Variants in SH3GL3 observed in about 807,000 individuals in gnomAD.
The protein encoded by SH3GL3 is SH3 domain containing GRB2 like 3, endophilin A3.
A neutral mutation model predicts 47.7 loss-of-function variants in SH3GL3; 33 were observed. That is an observed-to-expected ratio of 0.69 (90% CI 0.52 to 0.92). The LOEUF (loss-of-function observed/expected upper bound fraction) is 0.92, where lower values mean the gene tolerates loss of function less well. SH3GL3 is among the 40% of genes least tolerant of loss of function. The pLI, the probability that SH3GL3 is intolerant of heterozygous loss-of-function variation, is 0.00. For missense variants in SH3GL3, 363 were observed against 417.8 expected (o/e 0.87, Z 1.14); for synonymous variants, 155 against 148.8 (o/e 1.04, Z -0.30).
In SH3GL3 at chr15:83,618,366, GA is replaced by G; in HGVS notation, c.*80del. ...GTGTGCTCTCAGTGCGGTGTTCTGT[GA>G]CATCCTTTGCTCTCTGACCAACTTA... On this transcript the variant is annotated 3_prime_UTR_variant, in exon 9 of 9. Coordinates refer to ENST00000427482, the MANE Select transcript of SH3GL3 (RefSeq NM_003027.5). 3.4e-6 allele frequency: 3 copies of G among 882,180 alleles called. No individual in the cohort carries two copies. The highest frequency in any genetic ancestry group is 5.7e-6 in the Non-Finnish European group (3 of 522,980). 54.6% of individuals were successfully genotyped at this position (882,180 alleles called of 1,614,324 possible). A position where few individuals can be genotyped will look rare whatever the true frequency, so the allele number is the denominator to read the frequency against.
chr15:83,606,350 A>C (rs2060515209), intron 8 of SH3GL3, among the ~76,000 whole-genome samples: 2 of 152,208 alleles, frequency 1.3e-5, no homozygotes. Flanking sequence ...CATTGGCACA[A>C]AATGTCTAGG....
intron 8 of SH3GL3, among the ~76,000 whole-genome samples, chr15:83,593,451 T>C (rs943583784): frequency 6.6e-6 from 1 of 152,246 alleles, no homozygotes; most frequent in African/African-American, 2.4e-5. Flanking sequence ...TTTTATATCT[T>C]TATGCAATTG....
At chr15:83,580,308 G>A (rs1226173482) in intron 6 of SH3GL3, among the ~76,000 whole-genome samples, 1 of 152,228 alleles carries the variant, frequency 6.6e-6, no homozygotes, top group Non-Finnish European at 1.5e-5. Flanking sequence ...TAATCGCCAT[G>A]TCAAACACAG....
At chr15:83,475,555 T>C (rs866470778) in intron 1 of SH3GL3, among the ~76,000 whole-genome samples, 1 of 152,246 alleles carries the variant, frequency 6.6e-6, no homozygotes, top group Middle Eastern at 3.4e-3. Flanking sequence ...CCATCCTGGA[T>C]CTCTGCTATT....
intron 1 of SH3GL3, among the ~76,000 whole-genome samples, chr15:83,538,761 AATT>A (rs1185750260): frequency 6.6e-6 from 1 of 152,188 alleles, no homozygotes; most frequent in Non-Finnish European, 1.5e-5. Context: ...GCCACAATGT[AATT>A]ATTAATTAAT....
In SH3GL3 at chr15:83,576,591, G is replaced by A. The variant is rs1167473283; in HGVS notation, c.474G>A (p.Leu158=). ...CCATTCTCTTTTTTTAGCATCACCT[G>A]AAAAAGCTGGAAGGCCGCCGCCTGG... is the stretch of plus-strand genomic sequence containing the variant. ...DKDLKEIGHH[L]KKLEGRRLDY... Residue 158 remains leucine (L), a synonymous_variant, in exon 6 of 9, where the codon CTG becomes CTA. Coordinates refer to ENST00000427482, the MANE Select transcript of SH3GL3 (RefSeq NM_003027.5). 6.2e-7 allele frequency: 1 copy of A among 1,603,606 alleles called. No individual in the cohort carries two copies. Among genetic ancestry groups the A allele is most frequent in the Non-Finnish European group, 8.5e-7 (1 of 1,176,828 alleles).
At chr15:83,514,858 C>G (rs2042915031) in intron 1 of SH3GL3, among the ~76,000 whole-genome samples, 1 of 152,098 alleles carries the variant, frequency 6.6e-6, no homozygotes, top group African/African-American at 2.4e-5. Flanking sequence ...GGAAATTCCC[C>G]TCACCGCCAA....
At chr15:83,621,689 G>A (rs756796993), downstream of SH3GL3, among the ~76,000 whole-genome samples, 3 of 152,272 alleles carry the variant, frequency 2.0e-5, no homozygotes, top group East Asian at 1.9e-4. Flanking sequence ...GCAAACCTTC[G>A]AAGAGTTTAC....
At chr15:83,463,409 C>T (rs1401977410) in intron 1 of SH3GL3, among the ~76,000 whole-genome samples, 1 of 152,164 alleles carries the variant, frequency 6.6e-6, no homozygotes, top group Non-Finnish European at 1.5e-5. Context: ...TCAATAAAAG[C>T]TTCCTCTTAC....
chr15:83,464,215 G>T (rs1377800412), intron 1 of SH3GL3, among the ~76,000 whole-genome samples: 1 of 152,122 alleles, frequency 6.6e-6, no homozygotes, highest in African/African-American at 2.4e-5. Flanking sequence ...ATTTGACCCA[G>T]TGGACTATTC....
intron 1 of SH3GL3, among the ~76,000 whole-genome samples, chr15:83,530,168 G>C (rs2043603647): frequency 6.6e-6 from 1 of 152,196 alleles, no homozygotes; most frequent in Non-Finnish European, 1.5e-5. Flanking sequence ...ACTCAGAATG[G>C]TGCTGTTCTG....
intron 1 of SH3GL3, among the ~76,000 whole-genome samples, chr15:83,504,857 A>G: frequency 6.6e-6 from 1 of 152,228 alleles, no homozygotes; most frequent in East Asian, 1.9e-4. Context: ...TTTTTAGCAG[A>G]GTAATAGACA....
intron 6 of SH3GL3, among the ~76,000 whole-genome samples, chr15:83,578,541 C>G (rs1281225592): frequency 6.6e-6 from 1 of 152,136 alleles, no homozygotes; most frequent in Non-Finnish European, 1.5e-5. Flanking sequence ...CCAATACTAA[C>G]AAGACATTCA....
At chr15:83,603,921 G>A (rs1185579398) in intron 8 of SH3GL3, among the ~76,000 whole-genome samples, 2 of 152,186 alleles carry the variant, frequency 1.3e-5, no homozygotes, top group Non-Finnish European at 2.9e-5. Context: ...GATCACCTGA[G>A]TTCAGGAGTT....
At chr15:83,459,163 G>A (rs775706634) in intron 1 of SH3GL3, among the ~76,000 whole-genome samples, 2 of 152,184 alleles carry the variant, frequency 1.3e-5, no homozygotes, top group South Asian at 2.1e-4. Flanking sequence ...CAGGAGACTC[G>A]GCCAGTCTAG....
intron 1 of SH3GL3, among the ~76,000 whole-genome samples, chr15:83,455,888 C>G (rs1219315915): frequency 1.8e-4 from 1 of 5,708 alleles, no homozygotes; most frequent in African/African-American, 5.8e-4. Context: ...AGGCGCTCTG[C>G]GTTTTAGAGT....
At chr15:83,584,813 CT>C (rs1596308906) in intron 6 of SH3GL3, among the ~76,000 whole-genome samples, 1 of 152,224 alleles carries the variant, frequency 6.6e-6, no homozygotes, top group East Asian at 1.9e-4. Flanking sequence ...GGAATTAAAC[CT>C]TTCTTCCCAC....
At chr15:83,478,572 A>G (rs960318304) in intron 1 of SH3GL3, among the ~76,000 whole-genome samples, 2 of 152,356 alleles carry the variant, frequency 1.3e-5, no homozygotes, top group Admixed American at 6.5e-5. Context: ...AGTGCTTTAT[A>G]TATGATATAT....
At chr15:83,583,204 T>G (rs997003083) in intron 6 of SH3GL3, among the ~76,000 whole-genome samples, 4 of 152,216 alleles carry the variant, frequency 2.6e-5, no homozygotes, top group African/African-American at 9.6e-5. Context: ...CCCAGGCGTC[T>G]GGACAGGCAT....
Sources: allele counts gnomAD v4.1 joint callset (sites outside exome capture counted in the v4.1 genomes callset), GRCh38; gene constraint gnomAD v4.1.1; transcripts MANE v1.5; gene names NCBI Gene and HGNC (gene_info 2026-07-23, HGNC 2026-07-21).